NR6A1: variants seen among roughly 807,000 people sequenced by gnomAD.
NR6A1 encodes retinoic acid receptor-related testis-associated receptor.
In NR6A1, 7 loss-of-function variants were observed where a neutral mutation model predicts 59.1. The observed-to-expected ratio is 0.12, with a 90% CI of 0.07 to 0.22. The LOEUF (loss-of-function observed/expected upper bound fraction) is 0.22. Ranked by LOEUF, NR6A1 falls within the 10% of genes least tolerant of loss-of-function variation. The pLI, the probability that NR6A1 is intolerant of heterozygous loss-of-function variation, is 1.00. For missense variants in NR6A1, 468 were observed against 611.6 expected (o/e 0.77, Z 2.48); for synonymous variants, 243 against 236.1 (o/e 1.03, Z -0.27).
intron 2 of NR6A1, among the ~76,000 whole-genome samples, chr9:124,677,411 A>G (rs1358011623): frequency 6.6e-6 from 1 of 151,934 alleles, no homozygotes; most frequent in African/African-American, 2.4e-5. Flanking sequence ...GGTGGGCACC[A>G]CCATACTAGC....
At chr9:124,733,748 C>A (rs960961383) in intron 1 of NR6A1, among the ~76,000 whole-genome samples, 1 of 152,132 alleles carries the variant, frequency 6.6e-6, no homozygotes, top group East Asian at 1.9e-4. Flanking sequence ...ACTGCTAATT[C>A]TTTTCCAAAA....
At chr9:124,730,657 C>T (rs1839856025) in intron 2 of NR6A1, among the ~76,000 whole-genome samples, 1 of 150,858 alleles carries the variant, frequency 6.6e-6, no homozygotes, top group Non-Finnish European at 1.5e-5. Context: ...TATAAATTGC[C>T]ATATCTAGCT....
At chr9:124,740,926 T>C (rs530422903) in intron 1 of NR6A1, among the ~76,000 whole-genome samples, 51 of 152,344 alleles carry the variant, frequency 3.3e-4, no homozygotes, top group Non-Finnish European at 5.4e-4. Flanking sequence ...TGAAGAACTG[T>C]TTCTTTCACC....
At chr9:124,637,770 T>C (rs1236548297) in intron 2 of NR6A1, among the ~76,000 whole-genome samples, 2 of 151,532 alleles carry the variant, frequency 1.3e-5, no homozygotes, top group African/African-American at 4.9e-5. Flanking sequence ...CACACGCCTG[T>C]AGTCCCAGCT....
chr9:124,589,617 C>A (rs1014169657), intron 2 of NR6A1, among the ~76,000 whole-genome samples: 1 of 152,220 alleles, frequency 6.6e-6, no homozygotes, highest in African/African-American at 2.4e-5. Flanking sequence ...CTGACTTGTG[C>A]ACATTTTGAG....
At chr9:124,697,918 A>G (rs1364593672) in intron 2 of NR6A1, among the ~76,000 whole-genome samples, 1 of 152,214 alleles carries the variant, frequency 6.6e-6, no homozygotes, top group Non-Finnish European at 1.5e-5. Context: ...TTGAAGATTA[A>G]GAATACATGT....
At chr9:124,649,925 T>C (rs945896349) in intron 2 of NR6A1, among the ~76,000 whole-genome samples, 5 of 152,094 alleles carry the variant, frequency 3.3e-5, no homozygotes, top group Non-Finnish European at 5.9e-5. Flanking sequence ...AAAATGGCTA[T>C]TATAAAAAAG....
chr9:124,599,259 A>T (rs1003386199), intron 2 of NR6A1: 7 of 424,182 alleles, frequency 1.7e-5, no homozygotes, highest in South Asian at 4.2e-5. Context: ...TCTCGTCAAC[A>T]TGGTGAAACC....
intron 2 of NR6A1, among the ~76,000 whole-genome samples, chr9:124,667,309 G>A (rs748723397): frequency 3.4e-4 from 51 of 152,028 alleles, no homozygotes; most frequent in Non-Finnish European, 6.3e-4. Flanking sequence ...GGGATTACAG[G>A]TGTGAGCCAC....
chr9:124,532,901 C>A (rs552460104), intron 7 of NR6A1, among the ~76,000 whole-genome samples: 3 of 152,276 alleles, frequency 2.0e-5, no homozygotes, highest in Non-Finnish European at 4.4e-5. Flanking sequence ...CTGTAGTGGA[C>A]GGTACAGCTT....
chr9:124,656,740 G>A (rs532970046), intron 2 of NR6A1, among the ~76,000 whole-genome samples: 1 of 152,288 alleles, frequency 6.6e-6, no homozygotes, highest in South Asian at 2.1e-4. Context: ...GCTGAGGAAG[G>A]AGAATTGCTT....
chr9:124,623,135 G>C (rs1268577792), intron 2 of NR6A1, among the ~76,000 whole-genome samples: 1 of 152,134 alleles, frequency 6.6e-6, no homozygotes, highest in Non-Finnish European at 1.5e-5. Context: ...CCTCTGCAGA[G>C]GTCATGGCAG....
intron 2 of NR6A1, among the ~76,000 whole-genome samples, chr9:124,638,263 TAAA>T (rs35053088): frequency 7.2e-6 from 1 of 139,702 alleles, no homozygotes. Context: ...CTTTGGTGTT[TAAA>T]AAAAAAAAAA....
chr9:124,603,530 G>T (rs868279834), intron 2 of NR6A1, among the ~76,000 whole-genome samples: 1 of 152,166 alleles, frequency 6.6e-6, no homozygotes, highest in African/African-American at 2.4e-5. Context: ...GGTACTGGTA[G>T]TCAAAGGTTC....
chr9:124,525,699 C>CTCTATA lies in NR6A1; in HGVS notation c.1202-827_1202-826insTATAGA, dbSNP rs1554724041. 6.8e-5 allele frequency among the ~76,000 whole-genome samples: 10 copies of CTCTATA among 147,246 alleles called. No individual in the cohort carries two copies. The South Asian group carries it at 2.0e-3, about 29-fold the overall frequency. ...TAGATCTCTCTCTCTCTCTCTCTCT[C>CTCTATA]TATATATATATACACACACACACAC... is the stretch of plus-strand genomic sequence containing the variant. On this transcript the variant is annotated intron_variant, in intron 8 of 9. Transcript: ENST00000487099.
chr9:124,665,774 C>T (rs1214377619), intron 2 of NR6A1, among the ~76,000 whole-genome samples: 3 of 152,112 alleles, frequency 2.0e-5, no homozygotes, highest in Non-Finnish European at 2.9e-5. Flanking sequence ...GAGACATGGA[C>T]GATAACTATG....
intron 3 of NR6A1, among the ~76,000 whole-genome samples, chr9:124,550,352 T>C (rs1330342361): frequency 6.6e-6 from 1 of 152,008 alleles, no homozygotes; most frequent in Non-Finnish European, 1.5e-5. Context: ...GTCGCAATTA[T>C]TACTGTGATG....
intron 2 of NR6A1, among the ~76,000 whole-genome samples, chr9:124,678,559 C>T (rs558250029): frequency 6.6e-6 from 1 of 152,248 alleles, no homozygotes; most frequent in East Asian, 1.9e-4. Context: ...GAAGCATTTA[C>T]TAAGATAATA....
At position 124,733,260 on chromosome 9, in the gene NR6A1, A is replaced by T. The variant is rs763391268; in HGVS notation, c.142+48T>A. On this transcript the variant is annotated intron_variant, in intron 2 of 9. Transcript: ENST00000487099. The stretch of plus-strand genomic sequence containing the variant: ...AAGTTATTCACTTAAAAGTGTACAC[A>T]CACATCCTTTTCTTACCAAAGAATA... The T allele has an allele frequency of 7.9e-6, 11 of 1,386,342 alleles. 1 individual carries two copies. The South Asian group carries it at 1.3e-4, about 16-fold the overall frequency. The allele number at this position is 1,386,342 out of a possible 1,614,324, so 85.9% of individuals were successfully genotyped here.
Sources: allele counts gnomAD v4.1 joint callset (sites outside exome capture counted in the v4.1 genomes callset), GRCh38; gene constraint gnomAD v4.1.1; transcripts MANE v1.5; gene names NCBI Gene and HGNC (gene_info 2026-07-23, HGNC 2026-07-21).